Variants in ROBO2 observed in about 807,000 individuals in gnomAD.
ROBO2 encodes roundabout homolog 2.
A neutral mutation model predicts 160.8 loss-of-function variants in ROBO2; 53 were observed. That is an observed-to-expected ratio of 0.33 (90% CI 0.26 to 0.41). The LOEUF (loss-of-function observed/expected upper bound fraction) is 0.41. Among genes scored for constraint, ROBO2 ranks in the 10% least tolerant of loss-of-function variants. The pLI is 1.00. For missense variants in ROBO2, 1,577 were observed against 1,722.4 expected (o/e 0.92, Z 1.49); for synonymous variants, 664 against 611.7 (o/e 1.09, Z -1.26).
At chr3:76,644,621 C>T (rs768069466) in intron 2 of ROBO2, among the ~76,000 whole-genome samples, 2 of 152,148 alleles carry the variant, frequency 1.3e-5, no homozygotes, top group African/African-American at 2.4e-5. Flanking sequence ...GAAGTCTTCA[C>T]CATAATTAAT....
At chr3:76,819,346 T>C (rs2065929543) in intron 2 of ROBO2, among the ~76,000 whole-genome samples, 1 of 152,028 alleles carries the variant, frequency 6.6e-6, no homozygotes, top group Non-Finnish European at 1.5e-5. Flanking sequence ...TCTCCTTAGA[T>C]ACCTTCTAGA....
At chr3:76,864,497 A>G (rs2071146078) in intron 2 of ROBO2, among the ~76,000 whole-genome samples, 1 of 151,892 alleles carries the variant, frequency 6.6e-6, no homozygotes, top group Non-Finnish European at 1.5e-5. Flanking sequence ...CTCATCCATT[A>G]TGTCTCTAGG....
At chr3:77,245,931 A>G (rs1448628337) in intron 2 of ROBO2, among the ~76,000 whole-genome samples, 1 of 152,332 alleles carries the variant, frequency 6.6e-6, no homozygotes, top group Admixed American at 6.5e-5. Context: ...TGTACCATGT[A>G]ATGGGTGTGT....
intron 2 of ROBO2, among the ~76,000 whole-genome samples, chr3:77,166,521 C>A (rs777055833): frequency 6.6e-6 from 1 of 152,006 alleles, no homozygotes; most frequent in Non-Finnish European, 1.5e-5. Context: ...CTTTTTCCAG[C>A]CTTTTAAAAA....
chr3:77,385,869 T>A (rs2074049031), intron 2 of ROBO2, among the ~76,000 whole-genome samples: 1 of 152,166 alleles, frequency 6.6e-6, no homozygotes, highest in South Asian at 2.1e-4. Flanking sequence ...AACACAGTTA[T>A]CCTAACACTC....
chr3:77,305,906 G>T (rs2063058309), intron 2 of ROBO2, among the ~76,000 whole-genome samples: 1 of 152,126 alleles, frequency 6.6e-6, no homozygotes, highest in African/African-American at 2.4e-5. Context: ...ATGTCTGTCT[G>T]TGCCCTTTTA....
At chr3:76,428,333 A>T (rs1241791856) in intron 2 of ROBO2, among the ~76,000 whole-genome samples, 1 of 152,196 alleles carries the variant, frequency 6.6e-6, no homozygotes, top group African/African-American at 2.4e-5. Context: ...GAAATGGATC[A>T]TTATATTGTA....
chr3:76,166,185 A>G (rs1212485980), intron 2 of ROBO2, among the ~76,000 whole-genome samples: 1 of 152,210 alleles, frequency 6.6e-6, no homozygotes, highest in Non-Finnish European at 1.5e-5. Context: ...ATATCTGCAA[A>G]GAGCAATAAA....
At chr3:77,610,015 A>C (rs2094596802) in intron 21 of ROBO2, among the ~76,000 whole-genome samples, 1 of 150,952 alleles carries the variant, frequency 6.6e-6, no homozygotes, top group African/African-American at 2.4e-5. Context: ...TATTATTTTA[A>C]TTATTTGTAA....
chr3:76,282,887 T>C (rs1576250453), intron 2 of ROBO2, among the ~76,000 whole-genome samples: 1 of 151,750 alleles, frequency 6.6e-6, no homozygotes, highest in East Asian at 1.9e-4. Context: ...TTTGTCAGCC[T>C]TAGCACAAGA....
At chr3:76,715,352 C>T (rs2093363035) in intron 2 of ROBO2, among the ~76,000 whole-genome samples, 2 of 152,176 alleles carry the variant, frequency 1.3e-5, no homozygotes, top group African/African-American at 4.8e-5. Flanking sequence ...GTATGACTAT[C>T]ATTAAAATAC....
At chr3:76,048,308 A>G (rs1051711149) in intron 2 of ROBO2, among the ~76,000 whole-genome samples, 12 of 152,208 alleles carry the variant, frequency 7.9e-5, no homozygotes, top group African/African-American at 2.9e-4. Flanking sequence ...GATTGAAATC[A>G]TACCATTTTA....
intron 2 of ROBO2, among the ~76,000 whole-genome samples, chr3:76,905,492 A>G (rs1186887141): frequency 6.6e-6 from 1 of 152,194 alleles, no homozygotes; most frequent in Non-Finnish European, 1.5e-5. Context: ...TGTTCCCATT[A>G]GTCCAAATAA....
intron 2 of ROBO2, among the ~76,000 whole-genome samples, chr3:76,965,805 A>ATATG: frequency 1.4e-5 from 2 of 146,348 alleles, no homozygotes; most frequent in South Asian, 4.2e-4. Context: ...ATATATATAT[A>ATATG]TATATTTCTT....
intron 2 of ROBO2, among the ~76,000 whole-genome samples, chr3:76,555,706 A>G (rs561696525): frequency 1.3e-5 from 2 of 152,276 alleles, no homozygotes; most frequent in Admixed American, 6.5e-5. Context: ...AATTTTCTAA[A>G]TGTAAATACT....
In ROBO2 at chr3:77,508,807, A is replaced by T. The variant is rs193269089; in HGVS notation, c.807-13968A>T. 6.5e-3 allele frequency among the ~76,000 whole-genome samples: 991 copies of T among 152,202 alleles called. 18 individuals are homozygous for T. The highest frequency in any genetic ancestry group is 7.1e-3 in the Non-Finnish European group (484 of 67,990). Reference sequence around the variant, plus strand: ...ACTTAAACTTAATTTTTATCTTAAAATTTTTTTAAAAAACAACATTTAGAC... The same window carrying T: ...ACTTAAACTTAATTTTTATCTTAAATTTTTTTTAAAAAACAACATTTAGAC... On this transcript the variant is annotated intron_variant, in intron 5 of 25. Coordinates refer to ENST00000461745, the Ensembl canonical transcript of ROBO2.
At chr3:76,767,411 CTTG>C (rs2061633402) in intron 2 of ROBO2, among the ~76,000 whole-genome samples, 1 of 151,566 alleles carries the variant, frequency 6.6e-6, no homozygotes. Context: ...TATATCTCTT[CTTG>C]TTCGAAGAAC....
intron 2 of ROBO2, among the ~76,000 whole-genome samples, chr3:76,044,788 T>C (rs911006734): frequency 6.6e-6 from 1 of 152,012 alleles, no homozygotes; most frequent in Non-Finnish European, 1.5e-5. Context: ...TATAGTTGCA[T>C]GTTGTGTAAG....
chr3:77,037,678 T>C (rs1437336007), upstream of ROBO2, among the ~76,000 whole-genome samples: 1 of 152,202 alleles, frequency 6.6e-6, no homozygotes, highest in East Asian at 1.9e-4. Flanking sequence ...TTTCTGCCTC[T>C]GAGTGATTTT....
Sources: gnomAD v4.1 joint callset for allele counts (sites outside exome capture counted in the v4.1 genomes callset) on GRCh38, gnomAD v4.1.1 for gene constraint, MANE v1.5 for transcripts, NCBI Gene and HGNC (gene_info 2026-07-23, HGNC 2026-07-21) for gene names.